KDM2B: variants seen among roughly 807,000 people sequenced by gnomAD.
KDM2B encodes the protein lysine demethylase 2B, also known as lysine-specific demethylase 2B.
Under a neutral mutation model 150.0 loss-of-function variants are expected in KDM2B, and 26 were observed. That is an observed-to-expected ratio of 0.17 (90% CI 0.13 to 0.24). KDM2B has a LOEUF of 0.24. Among genes scored for constraint, KDM2B ranks in the 10% least tolerant of loss-of-function variants. The probability of loss-of-function intolerance (pLI) is 1.00; values close to 1 mark genes in which losing one functional copy is unlikely to be tolerated. For synonymous variants in KDM2B, 734 were observed against 729.5 expected, an observed-to-expected ratio of 1.01 and a Z score of -0.10; for missense variants, 1,265 against 1,816.9, an observed-to-expected ratio of 0.70 and a Z score of 5.52.
chr12:121,427,526 C>T (rs564549012), downstream of KDM2B, among the ~76,000 whole-genome samples: 12 of 152,198 alleles, frequency 7.9e-5, no homozygotes, highest in East Asian at 1.7e-3. Context: ...TGGACAAGAG[C>T]GAGACTCTGT....
chr12:121,567,200 ATATC>A (rs1254502000), intron 4 of KDM2B, among the ~76,000 whole-genome samples: 1 of 152,130 alleles, frequency 6.6e-6, no homozygotes, highest in African/African-American at 2.4e-5. Context: ...GAATATATAT[ATATC>A]TGACAAAAGA....
In KDM2B at chr12:121,492,785, C is replaced by T. The variant is rs563345975; in HGVS notation, c.1734+1794G>A. Among the ~76,000 whole-genome samples the T allele has an allele frequency of 1.7e-4, 25 of 150,678 alleles. No individual in the cohort carries two copies. In the South Asian group the frequency reaches 4.4e-3, roughly 26 times the overall value. On this transcript the variant is annotated intron_variant, in intron 12 of 22. Coordinates refer to ENST00000377071, the MANE Select transcript of KDM2B (RefSeq NM_032590.5). ...CGGAGGATGCAGTGAGCCGAGATCA[C>T]GCCACTGCACTCCAGCCTGGGTGAC...
intron 13 of KDM2B, among the ~76,000 whole-genome samples, chr12:121,449,953 C>A (rs748881477): frequency 1.6e-3 from 240 of 152,268 alleles, no homozygotes; most frequent in Non-Finnish European, 2.3e-3. Flanking sequence ...TCCTTGCTAA[C>A]CAGAGACCTG....
At chr12:121,496,798 C>G (rs554117381) in intron 11 of KDM2B, among the ~76,000 whole-genome samples, 13 of 149,974 alleles carry the variant, frequency 8.7e-5, no homozygotes, top group Admixed American at 2.0e-4. Context: ...GCTGGGATTG[C>G]GAGTGTGAGC....
chr12:121,560,600 C>T, intron 4 of KDM2B, among the ~76,000 whole-genome samples: 1 of 151,186 alleles, frequency 6.6e-6, no homozygotes, highest in Non-Finnish European at 1.5e-5. Context: ...CCTGAATACT[C>T]GGATCACTTC....
intron 8 of KDM2B, among the ~76,000 whole-genome samples, chr12:121,524,002 T>C (rs376447273): frequency 7.9e-5 from 12 of 152,334 alleles, no homozygotes; most frequent in African/African-American, 2.9e-4. Flanking sequence ...CATTTCCATG[T>C]TTCCACCAAG....
At chr12:121,510,829 A>C (rs1885524561) in intron 10 of KDM2B, among the ~76,000 whole-genome samples, 1 of 150,826 alleles carries the variant, frequency 6.6e-6, no homozygotes, top group African/African-American at 2.4e-5. Flanking sequence ...ATAATACTAA[A>C]ATAAAATAAA....
chr12:121,490,703 A>G (rs549318538), intron 12 of KDM2B, among the ~76,000 whole-genome samples: 1 of 152,206 alleles, frequency 6.6e-6, no homozygotes, highest in Admixed American at 6.5e-5. Context: ...AACAAATCCT[A>G]CACCACTCGT....
At chr12:121,444,801 G>A (rs554845085) in intron 14 of KDM2B, 39 of 541,530 alleles carry the variant, frequency 7.2e-5, no homozygotes, top group South Asian at 6.1e-4. Flanking sequence ...TGGTGCCCTC[G>A]GCCATAAAAG....
upstream of KDM2B, chr12:121,581,127 G>C (rs1385835828): frequency 7.7e-6 from 4 of 522,444 alleles, no homozygotes; most frequent in Non-Finnish European, 1.3e-5. Context: ...TTTACTAGGC[G>C]ACCAGCCCTG....
In KDM2B at chr12:121,467,134, T is replaced by C. The variant is rs2139474451; in HGVS notation, c.1735-13790A>G. 1.8e-6 allele frequency: 2 copies of C among 1,118,264 alleles called. No individual in the cohort carries two copies. The highest frequency in any genetic ancestry group is 2.2e-6 in the Non-Finnish European group (2 of 897,282). 69.3% of individuals were successfully genotyped at this position (1,118,264 alleles called of 1,614,324 possible). A position where few individuals can be genotyped will look rare whatever the true frequency, so the allele number is the denominator to read the frequency against. On this transcript the variant is annotated intron_variant, in intron 12 of 22. Coordinates refer to ENST00000377071, the MANE Select transcript of KDM2B (RefSeq NM_032590.5). This position sits in a 1 kb window ranked among gnomAD's most constrained non-coding sequence, Gnocchi z 5.1. Reference sequence around the variant, plus strand: ...GGAGGTCGTGCGGCGGGTCCCTCCCTCAGCCCCACCCCGGGCCGCCGACCT... The same window carrying C: ...GGAGGTCGTGCGGCGGGTCCCTCCCCCAGCCCCACCCCGGGCCGCCGACCT...
chr12:121,504,854 C>T (rs1319648656), intron 11 of KDM2B, among the ~76,000 whole-genome samples: 8 of 152,052 alleles, frequency 5.3e-5, no homozygotes, highest in East Asian at 1.9e-4. Flanking sequence ...CGGTGGCTCA[C>T]GCCTGTAATC....
Position 121,562,751 on chromosome 12 carries a change from C to G in KDM2B, c.397+11796G>C, listed in dbSNP as rs148625330. Among the ~76,000 whole-genome samples, 32 of 152,048 alleles carry G rather than the reference C, an allele frequency of 2.1e-4. No homozygotes were observed. In the East Asian group the frequency reaches 5.2e-3, roughly 25 times the overall value. ...ACATGGGCTTTGAAGACACCCAGGG[C>G]CAGGTGCAGTCCTGGCTCCACTGCC... On this transcript the variant is annotated intron_variant, in intron 4 of 22. Transcript: ENST00000377071.
chr12:121,441,533 T>G (rs907454629), intron 19 of KDM2B, among the ~76,000 whole-genome samples: 1 of 152,098 alleles, frequency 6.6e-6, no homozygotes, highest in African/African-American at 2.4e-5. Context: ...GTCTCCCAGG[T>G]TCAAGCTATT....
At chr12:121,560,284 C>T (rs1307610122) in intron 4 of KDM2B, among the ~76,000 whole-genome samples, 2 of 152,198 alleles carry the variant, frequency 1.3e-5, no homozygotes, top group Admixed American at 6.5e-5. Context: ...GGATGACAGG[C>T]ATGAGCCACC....
chr12:121,442,651 C>T lies in KDM2B; in HGVS notation c.2790G>A (p.Lys930=). Residue 930 remains lysine (K), a synonymous_variant, in exon 19 of 23, where the codon AAG becomes AAA. Coordinates refer to ENST00000377071, the MANE Select transcript of KDM2B (RefSeq NM_032590.5). The surrounding 1 kb of genome is among the most constrained non-coding windows in gnomAD (Gnocchi z 7.7). ...GCTTCCGGCGCATCTTCACCTTCTT[C>T]TTCTCCTCCGGGCCCTCGGCCCCTT... ...STEGAEGPEE[K]KKVKMRRKRR... is the part of the protein sequence containing the mutation. 6.2e-7 allele frequency: 1 copy of T among 1,605,548 alleles called. No individual in the cohort carries two copies. The highest frequency in any genetic ancestry group is 1.1e-5 in the South Asian group (1 of 90,540).
rs536256050 is a variant in KDM2B, at chr12:121,487,757, G to A, written c.1734+6822C>T. Among the ~76,000 whole-genome samples the A allele has an allele frequency of 3.3e-5, 5 of 150,416 alleles. No homozygotes were observed. In the East Asian group the frequency reaches 5.9e-4, roughly 18 times the overall value. The stretch of plus-strand genomic sequence containing the variant: ...CTCCAAAGAGCCTAGGACTCCTCCC[G>A]TCTAGGAGGAGGAAGAGATAAAGGA... On this transcript the variant is annotated intron_variant, in intron 12 of 22. Coordinates refer to ENST00000377071, the MANE Select transcript of KDM2B (RefSeq NM_032590.5).
chr12:121,494,594 T>C lies in KDM2B; in HGVS notation c.1719A>G (p.Pro573=). 1 of 1,613,408 alleles carries C rather than the reference T, an allele frequency of 6.2e-7. No individual in the cohort carries two copies. Among genetic ancestry groups the C allele is most frequent in the Non-Finnish European group, 8.5e-7 (1 of 1,179,696 alleles). ...AITGVPVVTW[P]KKTPKNRAVG... ...TGCGTCTTACCTTTGGAGTCTTCTT[T>C]GGCCAAGTCACCACAGGGACCCCAG... The change falls in exon 12 of 23, where the codon CCA becomes CCG. Residue 573 remains proline, a synonymous_variant. Transcript: ENST00000377071.
rs115380830 is a variant in KDM2B, at chr12:121,446,849, C to T, written c.1960-1431G>A. Among the ~76,000 whole-genome samples the T allele has an allele frequency of 1.4e-3, 214 of 152,276 alleles. 1 individual carries two copies. The highest frequency in any genetic ancestry group is 5.0e-3 in the African/African-American group (208 of 41,554). Reference sequence around the variant, plus strand: ...TGAGATCAGTAATCATATTAACAAACGTGATTTCTAAAATAATATTATGTG... The same window carrying T: ...TGAGATCAGTAATCATATTAACAAATGTGATTTCTAAAATAATATTATGTG... On this transcript the variant is annotated intron_variant, in intron 13 of 22. Coordinates refer to ENST00000377071, the MANE Select transcript of KDM2B (RefSeq NM_032590.5).
Sources: gnomAD v4.1 joint callset for allele counts (sites outside exome capture counted in the v4.1 genomes callset) on GRCh38, gnomAD v4.1.1 for gene constraint, Gnocchi (gnomAD v3.1) non-coding constraint, MANE v1.5 for transcripts, NCBI Gene and HGNC (gene_info 2026-07-23, HGNC 2026-07-21) for gene names.